CWC27: variants seen among roughly 807,000 people sequenced by gnomAD.
The protein encoded by CWC27 is CWC27 spliceosome associated cyclophilin.
CWC27 carries 47 observed loss-of-function variants against 63.6 expected under a neutral mutation model. That is an observed-to-expected ratio of 0.74 (90% CI 0.58 to 0.94). The LOEUF (loss-of-function observed/expected upper bound fraction) is 0.94. Ranked by LOEUF, CWC27 falls within the 40% of genes least tolerant of loss-of-function variation. CWC27 has a pLI of 0.00. For missense variants in CWC27, 495 were observed against 554.3 expected (o/e 0.89, Z 1.07); for synonymous variants, 175 against 179.8 (o/e 0.97, Z 0.22).
chr5:64,986,345 C>T (rs529309798), intron 13 of CWC27, among the ~76,000 whole-genome samples: 2 of 152,306 alleles, frequency 1.3e-5, no homozygotes, highest in South Asian at 2.1e-4. Context: ...ACATCCTTAC[C>T]AGTGTGTTGA....
intron 11 of CWC27, among the ~76,000 whole-genome samples, chr5:64,939,809 C>T (rs1411768605): frequency 1.4e-5 from 2 of 147,302 alleles, no homozygotes; most frequent in East Asian, 1.9e-4. Flanking sequence ...TCAGAGATGC[C>T]TTGCCCAGAG....
chr5:64,839,583 G>T (rs12658920), intron 10 of CWC27, among the ~76,000 whole-genome samples: 1 of 151,964 alleles, frequency 6.6e-6, no homozygotes, highest in Admixed American at 6.5e-5. Flanking sequence ...GGCCTGATGA[G>T]GGCAGGGCAC....
intron 10 of CWC27, among the ~76,000 whole-genome samples, chr5:64,869,318 A>G (rs540133032): frequency 7.9e-5 from 12 of 152,180 alleles, no homozygotes; most frequent in African/African-American, 2.9e-4. Flanking sequence ...CATCTTTTCT[A>G]TTTGGGCTGA....
chr5:64,927,390 G>A (rs1163945963), intron 11 of CWC27, among the ~76,000 whole-genome samples: 2 of 152,028 alleles, frequency 1.3e-5, no homozygotes, highest in Non-Finnish European at 2.9e-5. Context: ...TACTTCTCCA[G>A]TGCCAGCCCT....
At chr5:64,957,784 AAGG>A (rs1220870979) in intron 11 of CWC27, among the ~76,000 whole-genome samples, 1 of 152,136 alleles carries the variant, frequency 6.6e-6, no homozygotes, top group Non-Finnish European at 1.5e-5. Flanking sequence ...CCTGCTCCTC[AAGG>A]AGCAGTATAA....
At chr5:64,916,144 A>G (rs1451119781) in intron 11 of CWC27, among the ~76,000 whole-genome samples, 4 of 152,244 alleles carry the variant, frequency 2.6e-5, no homozygotes, top group Non-Finnish European at 5.9e-5. Context: ...CCGTTCAACA[A>G]TGAAATTACA....
chr5:64,957,282 AT>A (rs920729506), intron 11 of CWC27, among the ~76,000 whole-genome samples: 15 of 150,752 alleles, frequency 1.0e-4, no homozygotes, highest in African/African-American at 2.2e-4. Context: ...ATCTTGAAGA[AT>A]TTTTTTTTTC....
intron 10 of CWC27, chr5:64,807,715 G>T (rs560197930): frequency 1.3e-6 from 2 of 1,535,766 alleles, no homozygotes; most frequent in Admixed American, 2.0e-5. Context: ...TGTGTCTCCA[G>T]TGCTTCCTTA....
chr5:64,975,097 TA>T (rs1749204204), intron 12 of CWC27, among the ~76,000 whole-genome samples: 1 of 152,244 alleles, frequency 6.6e-6, no homozygotes. Context: ...GTAGCTATGA[TA>T]ATGTGTGTAT....
intron 10 of CWC27, among the ~76,000 whole-genome samples, chr5:64,826,077 A>T (rs939120020): frequency 5.4e-4 from 9 of 16,654 alleles, no homozygotes; most frequent in Non-Finnish European, 2.8e-3. Context: ...TTTGTAATAA[A>T]TCTATCTATC....
chr5:64,805,808 T>C (rs1237309474), intron 10 of CWC27, among the ~76,000 whole-genome samples: 1 of 152,100 alleles, frequency 6.6e-6, no homozygotes, highest in African/African-American at 2.4e-5. Context: ...CTTTAAAAAA[T>C]TGTTTACCTA....
intron 10 of CWC27, among the ~76,000 whole-genome samples, chr5:64,810,281 T>A (rs1369715998): frequency 6.6e-6 from 1 of 152,196 alleles, no homozygotes; most frequent in Non-Finnish European, 1.5e-5. Context: ...AATACCATGC[T>A]GTTTTGATTA....
intron 11 of CWC27, among the ~76,000 whole-genome samples, chr5:64,937,505 A>G (rs1480871638): frequency 6.6e-6 from 1 of 152,180 alleles, no homozygotes; most frequent in Non-Finnish European, 1.5e-5. Flanking sequence ...GGAGCATTTT[A>G]GTTCCAGTTA....
chr5:64,935,731 A>T (rs1021462582), intron 11 of CWC27, among the ~76,000 whole-genome samples: 7 of 152,180 alleles, frequency 4.6e-5, no homozygotes, highest in Non-Finnish European at 8.8e-5. Flanking sequence ...CTTCCTATCC[A>T]TGAGCATGGA....
At chr5:64,824,393 AT>A (rs1745299285) in intron 10 of CWC27, among the ~76,000 whole-genome samples, 1 of 152,036 alleles carries the variant, frequency 6.6e-6, no homozygotes, top group Non-Finnish European at 1.5e-5. Flanking sequence ...GTTTTAGAAG[AT>A]TTTTTTCTGT....
intron 10 of CWC27, among the ~76,000 whole-genome samples, chr5:64,832,838 A>C (rs73101352): frequency 0.028 from 4,292 of 151,782 alleles, 140 homozygotes; most frequent in African/African-American, 0.087. Context: ...ATATTATTAA[A>C]ATACTATTTA....
At chr5:65,005,232 G>T (rs1355081714) in intron 13 of CWC27, among the ~76,000 whole-genome samples, 1 of 151,692 alleles carries the variant, frequency 6.6e-6, no homozygotes. Flanking sequence ...CAGGCTCCCA[G>T]ATGGCACATT....
intron 11 of CWC27, among the ~76,000 whole-genome samples, chr5:64,898,656 A>T (rs1321392425): frequency 1.3e-5 from 2 of 152,164 alleles, no homozygotes; most frequent in Non-Finnish European, 2.9e-5. Flanking sequence ...CTGTTAAAAA[A>T]GAAAGAGGGA....
chr5:64,963,572 C>T (rs1419828051), intron 11 of CWC27, among the ~76,000 whole-genome samples: 1 of 152,050 alleles, frequency 6.6e-6, no homozygotes, highest in Non-Finnish European at 1.5e-5. Context: ...TATGATACAC[C>T]AAGTTAGGAA....
Sources: gnomAD v4.1 joint callset for allele counts (sites outside exome capture counted in the v4.1 genomes callset) on GRCh38, gnomAD v4.1.1 for gene constraint, MANE v1.5 for transcripts, NCBI Gene and HGNC (gene_info 2026-07-23, HGNC 2026-07-21) for gene names.